The following TRPC5 variants were observed in gnomAD, a reference collection of about 807,000 sequenced individuals.
TRPC5 encodes the protein transient receptor potential cation channel subfamily C member 5.
In TRPC5, 9 loss-of-function variants were observed where a neutral mutation model predicts 56.5. That is an observed-to-expected ratio of 0.16 (90% CI 0.10 to 0.28). The LOEUF is 0.28. TRPC5 is among the 10% of genes least tolerant of loss of function. TRPC5 has a pLI of 1.00. For synonymous variants in TRPC5, 282 were observed against 278.5 expected (o/e 1.01, Z -0.13); for missense variants, 469 against 748.9 (o/e 0.63, Z 4.36).
chrX:111,973,594 C>T (rs1453066747), intron 1 of TRPC5, among the ~76,000 whole-genome samples: 1 of 111,436 alleles, frequency 9.0e-6, no homozygotes, highest in Non-Finnish European at 1.9e-5. Flanking sequence ...GTGATGTTTC[C>T]ACAGTGATTC....
intron 7 of TRPC5, among the ~76,000 whole-genome samples, chrX:111,813,172 C>T (rs1369648380): frequency 2.7e-5 from 3 of 112,276 alleles, no homozygotes; most frequent in Non-Finnish European, 5.6e-5. Context: ...AGACAAACTA[C>T]ACCACCATAG....
At chrX:111,934,200 C>A (rs866524351) in intron 2 of TRPC5, among the ~76,000 whole-genome samples, 1 of 108,994 alleles carries the variant, frequency 9.2e-6, no homozygotes. Context: ...CTTTCCCGAA[C>A]CAGTGCCATA....
chrX:111,812,350 A>G (rs749086660), intron 7 of TRPC5, among the ~76,000 whole-genome samples: 1 of 111,373 alleles, frequency 9.0e-6, no homozygotes, highest in East Asian at 2.8e-4. Flanking sequence ...ATATGAGGAT[A>G]TGATTTTAGC....
intron 2 of TRPC5, among the ~76,000 whole-genome samples, chrX:111,944,297 T>TGAAAGA (rs1400081627): frequency 1.1e-5 from 1 of 87,650 alleles, no homozygotes; most frequent in African/African-American, 5.3e-5. Context: ...TGTGTGTGTG[T>TGAAAGA]GTGTGTGAGA....
At chrX:112,053,928 A>G (rs1930279107) in intron 1 of TRPC5, among the ~76,000 whole-genome samples, 1 of 112,031 alleles carries the variant, frequency 8.9e-6, no homozygotes, top group South Asian at 3.7e-4. Context: ...CATGTACCTG[A>G]TTTACATGTA....
At chrX:112,021,961 T>C (rs1929282996) in intron 1 of TRPC5, among the ~76,000 whole-genome samples, 1 of 112,433 alleles carries the variant, frequency 8.9e-6, no homozygotes, top group Admixed American at 9.4e-5. Flanking sequence ...TTTACAGAAT[T>C]GTTGTGAGGA....
chrX:111,964,675 C>T (rs781191489), intron 1 of TRPC5, among the ~76,000 whole-genome samples: 10 of 112,089 alleles, frequency 8.9e-5, no homozygotes, highest in South Asian at 3.7e-4. Flanking sequence ...ATATTCAACA[C>T]CCTTAAAGAA....
chrX:112,076,842 C>T lies in TRPC5; in HGVS notation c.-22+5037G>A, dbSNP rs1302154006. On this transcript the variant is annotated intron_variant, in intron 1 of 10. Transcript: ENST00000262839. ...CTGAAAAAATATTTGTTTCTAGTGG[C>T]CTCCATCATATTTAAATATATTTTA... is the stretch of plus-strand genomic sequence containing the variant. Among the ~76,000 whole-genome samples the T allele has an allele frequency of 5.4e-5, 6 of 111,590 alleles. No individual in the cohort carries two copies. The South Asian group carries it at 1.9e-3, about 35-fold the overall frequency.
intron 1 of TRPC5, among the ~76,000 whole-genome samples, chrX:112,031,922 AT>A (rs1929597634): frequency 9.1e-6 from 1 of 109,631 alleles, no homozygotes; most frequent in Admixed American, 9.9e-5. Flanking sequence ...ATATATATAT[AT>A]AATCTCAAAA....
At chrX:112,033,367 AT>A (rs201014420) in intron 1 of TRPC5, among the ~76,000 whole-genome samples, 10 of 109,193 alleles carry the variant, frequency 9.2e-5, no homozygotes, top group African/African-American at 3.4e-4. Flanking sequence ...TTAAAGTATA[AT>A]TAAAAAAATA....
chrX:111,930,236 C>T (rs192439839), intron 2 of TRPC5, among the ~76,000 whole-genome samples: 1 of 110,864 alleles, frequency 9.0e-6, no homozygotes, highest in East Asian at 2.8e-4. Context: ...TCACTTGAGG[C>T]CAGGAGCTTG....
chrX:111,916,971 G>A (rs1043585393), intron 2 of TRPC5, among the ~76,000 whole-genome samples: 1 of 112,968 alleles, frequency 8.9e-6, no homozygotes, highest in Non-Finnish European at 1.9e-5. Context: ...GGCCTCATAT[G>A]CCATGCTAAG....
intron 3 of TRPC5, among the ~76,000 whole-genome samples, chrX:111,890,640 G>C (rs1330910761): frequency 1.8e-5 from 2 of 111,799 alleles, no homozygotes; most frequent in Admixed American, 9.5e-5. Context: ...GGTTCCCAGA[G>C]CATCATTAGT....
chrX:111,985,201 G>A (rs1307918553), intron 1 of TRPC5, among the ~76,000 whole-genome samples: 2 of 112,041 alleles, frequency 1.8e-5, no homozygotes, highest in Non-Finnish European at 3.8e-5. Flanking sequence ...ACACTCTATA[G>A]GTCTGGAAGC....
intron 1 of TRPC5, among the ~76,000 whole-genome samples, chrX:111,963,568 A>AC (rs1033201652): frequency 7.2e-5 from 8 of 111,366 alleles, no homozygotes; most frequent in Non-Finnish European, 1.3e-4. Context: ...ACTGGGAGGC[A>AC]CCCCCCAGTA....
chrX:111,950,244 C>G (rs1004261955), intron 2 of TRPC5, among the ~76,000 whole-genome samples: 2 of 109,922 alleles, frequency 1.8e-5, no homozygotes, highest in Non-Finnish European at 3.8e-5. Flanking sequence ...AGAATGGCAT[C>G]AACCCAGGAG....
In TRPC5 at chrX:111,780,290, CT is replaced by C. The variant is rs1201370152; in HGVS notation, c.2142+874del. On this transcript the variant is annotated intron_variant, in intron 9 of 10. Coordinates refer to ENST00000262839, the MANE Select transcript of TRPC5 (RefSeq NM_012471.3). ...GTCCTAATGTTTATTAGGTTTATTA[CT>C]TTTTTTTTTTTAACAAAATACAGAA... 2.9e-3 allele frequency among the ~76,000 whole-genome samples: 297 copies of C among 101,473 alleles called. 1 individual carries two copies. The highest frequency in any genetic ancestry group is 8.1e-3 in the Admixed American group (76 of 9,405). The allele number at this position is 101,473 out of a possible 115,157, so 88.1% of individuals were successfully genotyped here.
intron 1 of TRPC5, among the ~76,000 whole-genome samples, chrX:112,037,893 T>C (rs946513048): frequency 1.4e-4 from 16 of 111,760 alleles, no homozygotes; most frequent in Non-Finnish European, 2.8e-4. Flanking sequence ...TTTTCCTTCA[T>C]TTTGGGAGGT....
chrX:112,020,956 T>C (rs1380587615), intron 1 of TRPC5, among the ~76,000 whole-genome samples: 5 of 107,991 alleles, frequency 4.6e-5, no homozygotes, highest in Non-Finnish European at 7.7e-5. Flanking sequence ...TCTAGTTGCC[T>C]GATGCTTCAG....
Sources: allele counts gnomAD v4.1 joint callset (sites outside exome capture counted in the v4.1 genomes callset), GRCh38; gene constraint gnomAD v4.1.1; transcripts MANE v1.5; gene names NCBI Gene and HGNC (gene_info 2026-07-23, HGNC 2026-07-21).